KALRN: variants seen among roughly 807,000 people sequenced by gnomAD.
KALRN encodes the protein kalirin RhoGEF kinase, also known as kalirin.
Under a neutral mutation model 353.7 loss-of-function variants are expected in KALRN, and 70 were observed. The ratio of observed to expected loss-of-function variants is 0.20; its 90% confidence interval spans 0.16 to 0.24. The LOEUF (loss-of-function observed/expected upper bound fraction) is 0.24, where lower values mean the gene tolerates loss of function less well. KALRN is among the 10% of genes least tolerant of loss of function. KALRN has a pLI of 1.00. For missense variants in KALRN, 2,791 were observed against 3,756.7 expected, an observed-to-expected ratio of 0.74 and a Z score of 6.72; for synonymous variants, 1,391 against 1,434.8, an observed-to-expected ratio of 0.97 and a Z score of 0.69.
At chr3:124,602,767 G>A (rs1038411279) in intron 34 of KALRN, among the ~76,000 whole-genome samples, 1 of 152,184 alleles carries the variant, frequency 6.6e-6, no homozygotes, top group Non-Finnish European at 1.5e-5. Context: ...ACAGGTGTGT[G>A]ACTGTAGCAT....
chr3:124,688,813 A>G (rs1578961301), intron 51 of KALRN, among the ~76,000 whole-genome samples: 1 of 152,314 alleles, frequency 6.6e-6, no homozygotes, highest in African/African-American at 2.4e-5. Flanking sequence ...GACAAGGAAA[A>G]TAGACGCCAA....
chr3:124,344,083 G>T (rs1278789864), intron 9 of KALRN, among the ~76,000 whole-genome samples: 2 of 152,204 alleles, frequency 1.3e-5, no homozygotes, highest in African/African-American at 4.8e-5. Context: ...ACTATGATTG[G>T]TAATTGAGTA....
At chr3:124,235,730 G>A (rs530299278) in intron 3 of KALRN, among the ~76,000 whole-genome samples, 4 of 152,306 alleles carry the variant, frequency 2.6e-5, no homozygotes, top group Non-Finnish European at 5.9e-5. Context: ...CTTGAGCAGC[G>A]ACGGCACTGC....
intron 1 of KALRN, among the ~76,000 whole-genome samples, chr3:124,138,170 C>T (rs2066165328): frequency 6.6e-6 from 1 of 152,192 alleles, no homozygotes; most frequent in Non-Finnish European, 1.5e-5. Flanking sequence ...TTTCTCTTTG[C>T]CCCTCACTGC....
chr3:124,424,213 C>G (rs1301719424), intron 15 of KALRN, among the ~76,000 whole-genome samples: 1 of 152,132 alleles, frequency 6.6e-6, no homozygotes, highest in East Asian at 1.9e-4. Context: ...CTTTCTGCCC[C>G]ACTCTACCCA....
At chr3:124,264,757 C>T (rs2276739) in intron 4 of KALRN, 67 bp downstream of exon 4, 263,492 of 1,366,388 alleles carry the variant, frequency 0.19, 26,512 homozygotes, top group South Asian at 0.29. Flanking sequence ...ACATTTCTCA[C>T]GTCCTCTTCT....
chr3:124,232,877 A>T (rs1378464912), intron 2 of KALRN, among the ~76,000 whole-genome samples: 1 of 151,268 alleles, frequency 6.6e-6, no homozygotes, highest in East Asian at 2.0e-4. Context: ...GGAGTGTCAG[A>T]CAGGGAAAAA....
intron 1 of KALRN, among the ~76,000 whole-genome samples, chr3:124,092,108 A>C (rs1400255239): frequency 6.6e-6 from 1 of 152,176 alleles, no homozygotes; most frequent in African/African-American, 2.4e-5. Context: ...TTATGTTCTT[A>C]GGTCTGTTTG....
chr3:124,669,900 G>GA (rs2086171482), intron 47 of KALRN, among the ~76,000 whole-genome samples: 2 of 148,772 alleles, frequency 1.3e-5, no homozygotes, highest in African/African-American at 2.5e-5. Flanking sequence ...GGAATGACAA[G>GA]AAAAAAAACT....
At chr3:124,197,737 G>C (rs563820981) in intron 1 of KALRN, among the ~76,000 whole-genome samples, 7 of 152,302 alleles carry the variant, frequency 4.6e-5, no homozygotes, top group Non-Finnish European at 1.0e-4. Context: ...ACCCTATACT[G>C]CTGTGCATAG....
At chr3:124,700,084 G>A (rs761039451) in intron 56 of KALRN, 51 bp downstream of exon 56, 1 of 1,587,462 alleles carries the variant, frequency 6.3e-7, no homozygotes, top group Non-Finnish European at 8.6e-7. Context: ...TGAGGCACCT[G>A]GCTGCCTGTC....
At chr3:124,082,144 A>G (rs1448874792) in intron 1 of KALRN, 1 of 406,372 alleles carries the variant, frequency 2.5e-6, no homozygotes, top group African/African-American at 2.1e-5. Context: ...CAATTGCATC[A>G]GGCTGCATGG....
chr3:124,383,227 CCCCAGGTCCTATG>C (rs1219364431), intron 10 of KALRN, among the ~76,000 whole-genome samples: 8 of 152,216 alleles, frequency 5.3e-5, no homozygotes, highest in Admixed American at 2.6e-4. Flanking sequence ...TGCCCATCTT[CCCCAGGTCCTATG>C]CCAGTACAAT....
intron 9 of KALRN, among the ~76,000 whole-genome samples, chr3:124,341,040 T>C (rs1381091764): frequency 6.6e-6 from 1 of 152,236 alleles, no homozygotes; most frequent in African/African-American, 2.4e-5. Context: ...TGAAAGGCAT[T>C]GCATCTTGAT....
chr3:124,066,340 T>C (rs1442425262), intron 1 of KALRN, among the ~76,000 whole-genome samples: 1 of 152,150 alleles, frequency 6.6e-6, no homozygotes, highest in Non-Finnish European at 1.5e-5. Flanking sequence ...TTGAGTTGCA[T>C]AGTATAGAGA....
intron 38 of KALRN, 87 bp from the exon 39 acceptor site, chr3:124,655,514 G>A: frequency 9.7e-7 from 1 of 1,027,198 alleles, no homozygotes; most frequent in Non-Finnish European, 1.5e-6. Flanking sequence ...TTATAAAGGT[G>A]CCAAAGTAAC....
intron 1 of KALRN, among the ~76,000 whole-genome samples, chr3:124,039,363 A>G (rs143618018): frequency 9.2e-4 from 140 of 152,258 alleles, no homozygotes; most frequent in African/African-American, 3.2e-3. Flanking sequence ...TTGTATTGTT[A>G]TTTAGCCTTT....
Position 124,496,004 on chromosome 3 carries a change from T to C in KALRN, c.4833-307T>C, listed in dbSNP as rs1413642303. Among the ~76,000 whole-genome samples the C allele has an allele frequency of 2.4e-4, 12 of 49,454 alleles. 1 individual carries two copies. Among genetic ancestry groups the C allele is most frequent in the South Asian group, 1.1e-3 (2 of 1,826 alleles). 32.4% of individuals were successfully genotyped at this position (49,454 alleles called of 152,430 possible). On this transcript the variant is annotated intron_variant, in intron 32 of 59. Coordinates refer to ENST00000682506, the MANE Select transcript of KALRN (RefSeq NM_001388419.1). Reference sequence around the variant, plus strand: ...ATATATATATATATATATATATATATATATATATACACACACATATATACA... The same window carrying C: ...ATATATATATATATATATATATATACATATATATACACACACATATATACA...
At chr3:124,142,097 G>A (rs1314666384) in intron 1 of KALRN, among the ~76,000 whole-genome samples, 1 of 152,124 alleles carries the variant, frequency 6.6e-6, no homozygotes, top group African/African-American at 2.4e-5. Context: ...CCTTCTCCAT[G>A]CAGCCCTTCC....
Sources: gnomAD v4.1 joint callset for allele counts (sites outside exome capture counted in the v4.1 genomes callset) on GRCh38, gnomAD v4.1.1 for gene constraint, MANE v1.5 for transcripts, NCBI Gene and HGNC (gene_info 2026-07-23, HGNC 2026-07-21) for gene names.